Variants in KAT7 observed in about 807,000 individuals in gnomAD.
KAT7 encodes the protein lysine acetyltransferase 7.
In KAT7, 10 loss-of-function variants were observed where a neutral mutation model predicts 82.1. The observed-to-expected ratio is 0.12, with a 90% CI of 0.08 to 0.21. The LOEUF (loss-of-function observed/expected upper bound fraction) is 0.21. Ranked by LOEUF, KAT7 falls within the 10% of genes least tolerant of loss-of-function variation. The probability of loss-of-function intolerance (pLI) is 1.00; values close to 1 mark genes in which losing one functional copy is unlikely to be tolerated. For synonymous variants in KAT7, 250 were observed against 262.5 expected (o/e 0.95, Z 0.46); for missense variants, 378 against 760.9 (o/e 0.50, Z 5.92).
chr17:49,805,498 C>A, intron 5 of KAT7, 53 bp downstream of exon 5: 1 of 1,360,744 alleles, frequency 7.3e-7, no homozygotes. Context: ...TTACCGTTTG[C>A]CAGGCACTTT....
chr17:49,831,894 C>T lies in KAT7; in HGVS notation c.*4392C>T, dbSNP rs1236260302. The T allele has an allele frequency of 6.6e-6, 1 of 151,620 alleles. No homozygotes were observed. Among genetic ancestry groups the T allele is most frequent in the African/African-American group, 2.4e-5 (1 of 41,212 alleles). The allele number at this position is 151,620 out of a possible 1,614,324, so 9.4% of individuals were successfully genotyped here. A position where few individuals can be genotyped will look rare whatever the true frequency, so the allele number is the denominator to read the frequency against. On this transcript the variant is annotated 3_prime_UTR_variant, in exon 15 of 15. Coordinates refer to ENST00000259021, the MANE Select transcript of KAT7 (RefSeq NM_007067.5). ...CAGGATGATCTCGATCTCCTGACCT[C>T]GTGATCCACTCGCCTCAGCCTCCCA...
intron 4 of KAT7, among the ~76,000 whole-genome samples, chr17:49,802,686 C>T (rs934388923): frequency 2.7e-5 from 4 of 150,852 alleles, no homozygotes; most frequent in Non-Finnish European, 4.4e-5. Flanking sequence ...AAAAAAAAGA[C>T]GTATGGATAC....
chr17:49,826,215 C>G (rs1218007031), intron 13 of KAT7, 69 bp downstream of exon 13: 4 of 1,478,988 alleles, frequency 2.7e-6, no homozygotes, highest in Admixed American at 3.5e-5. Flanking sequence ...TATTGTGTTT[C>G]CCCTGAATGT....
chr17:49,792,905 T>C (rs1343864195), intron 2 of KAT7, among the ~76,000 whole-genome samples: 1 of 152,040 alleles, frequency 6.6e-6, no homozygotes, highest in Non-Finnish European at 1.5e-5. Flanking sequence ...TTGACCTCCT[T>C]GGCTCAAGTG....
chr17:49,790,607 T>G (rs961124681), intron 1 of KAT7, among the ~76,000 whole-genome samples: 9 of 152,258 alleles, frequency 5.9e-5, no homozygotes, highest in African/African-American at 2.2e-4. Flanking sequence ...CTTGAAAATG[T>G]ACATTTTTTT....
chr17:49,797,012 G>C (rs528566887), intron 3 of KAT7, 86 bp downstream of exon 3: 1 of 1,037,320 alleles, frequency 9.6e-7, no homozygotes. Flanking sequence ...ACTGCAGGTA[G>C]ATGCCTAATA....
chr17:49,812,815 G>A (rs1417402287), intron 7 of KAT7, among the ~76,000 whole-genome samples: 1 of 151,914 alleles, frequency 6.6e-6, no homozygotes, highest in African/African-American at 2.4e-5. Flanking sequence ...GCAGTTCTCT[G>A]CCTCAGCCTC....
intron 4 of KAT7, among the ~76,000 whole-genome samples, chr17:49,804,251 C>T (rs1273941328): frequency 6.6e-5 from 10 of 151,938 alleles, no homozygotes; most frequent in African/African-American, 2.2e-4. Context: ...TGGCGGCAGG[C>T]GCCTGTAGTC....
rs1451743556 is a variant in KAT7 at position 49,833,807 on chromosome 17, T to G, written c.*6305T>G. 1 of 152,180 alleles carries G rather than the reference T, an allele frequency of 6.6e-6. No homozygotes were observed. Among genetic ancestry groups the G allele is most frequent in the African/African-American group, 2.4e-5 (1 of 41,430 alleles). 9.4% of individuals were successfully genotyped at this position (152,180 alleles called of 1,614,324 possible). A position where few individuals can be genotyped will look rare whatever the true frequency, so the allele number is the denominator to read the frequency against. On this transcript the variant is annotated 3_prime_UTR_variant, in exon 15 of 15. Coordinates refer to ENST00000259021, the MANE Select transcript of KAT7 (RefSeq NM_007067.5). ...CTGTTAACCCAGAGAATTATGAGAA[T>G]ACTGTTTTAACCACACGTTTTGGAA...
intron 2 of KAT7, among the ~76,000 whole-genome samples, chr17:49,794,142 C>A (rs886164781): frequency 3.3e-5 from 5 of 152,114 alleles, no homozygotes; most frequent in African/African-American, 1.2e-4. Context: ...CCTCAAAGAT[C>A]TTACAGTTCA....
Position 49,827,431 on chromosome 17 carries a change from G to T in KAT7, c.1765G>T (p.Ala589Ser), listed in dbSNP as rs1290786510. Residue 589 changes from alanine to serine, a missense_variant, in exon 15 of 15, where the codon GCC becomes TCC. By Grantham distance (99) the Ala-to-Ser change is moderately conservative. Around this residue, in one of 6 missense-constraint regions of KAT7, gnomAD observed 44 missense variants for 102.2 expected, o/e 0.43. Transcript: ENST00000259021. ...GATTGATGAGTGGATAGCCAAAGAG[G>T]CCAAAAGGTCCAACTCCAATAAAAC... ...DLIDEWIAKE[A>S]KRSNSNKTMD... 7.4e-6 allele frequency: 12 copies of T among 1,613,334 alleles called. No individual in the cohort carries two copies. Among genetic ancestry groups the T allele is most frequent in the Non-Finnish European group, 1.0e-5 (12 of 1,179,378 alleles).
At position 49,800,536 on chromosome 17, in the gene KAT7, A is replaced by G. The variant is rs186477869; in HGVS notation, c.580+1978A>G. 1.8e-3 allele frequency among the ~76,000 whole-genome samples: 272 copies of G among 152,292 alleles called. 1 individual carries two copies. The highest frequency in any genetic ancestry group is 6.4e-3 in the African/African-American group (267 of 41,564). ...AAGAGTTTAAGGGGATCTGCTTGCC[A>G]TGCATCAAGAAAAGGAATTTTCCTC... On this transcript the variant is annotated intron_variant, in intron 4 of 14. Coordinates refer to ENST00000259021, the MANE Select transcript of KAT7 (RefSeq NM_007067.5).
At chr17:49,810,079 G>T (rs1333797798) in intron 6 of KAT7, among the ~76,000 whole-genome samples, 1 of 152,062 alleles carries the variant, frequency 6.6e-6, no homozygotes, top group South Asian at 2.1e-4. Flanking sequence ...ATGTTGTCCC[G>T]GGCAGGTCAA....
intron 4 of KAT7, among the ~76,000 whole-genome samples, chr17:49,799,305 A>G (rs1187014081): frequency 6.6e-6 from 1 of 152,206 alleles, no homozygotes; most frequent in Non-Finnish European, 1.5e-5. Context: ...GCATGTGGCT[A>G]TCAAGTTTGA....
At position 49,834,229 on chromosome 17, in the gene KAT7, CG is replaced by C. The variant is rs1222266806; in HGVS notation, c.*6728del. 6.6e-6 allele frequency: 1 copy of C among 152,260 alleles called. No homozygotes were observed. The highest frequency in any genetic ancestry group is 2.4e-5 in the African/African-American group (1 of 41,458). The allele number at this position is 152,260 out of a possible 1,614,324, so 9.4% of individuals were successfully genotyped here. A position where few individuals can be genotyped will look rare whatever the true frequency, so the allele number is the denominator to read the frequency against. ...GTGGTACGATCACGGCTCACTGCTG[CG>C]TCGCCTTCCCAGGCTCCAGCTATCC... On this transcript the variant is annotated 3_prime_UTR_variant, in exon 15 of 15. Coordinates refer to ENST00000259021, the MANE Select transcript of KAT7 (RefSeq NM_007067.5).
intron 12 of KAT7, chr17:49,823,514 G>T: frequency 2.1e-6 from 1 of 467,444 alleles, no homozygotes; most frequent in Non-Finnish European, 3.8e-6. Flanking sequence ...TGAGTAGGAG[G>T]TACAGAGGAT....
chr17:49,800,355 G>A (rs1024916188), intron 4 of KAT7, among the ~76,000 whole-genome samples: 1 of 152,066 alleles, frequency 6.6e-6, no homozygotes, highest in East Asian at 1.9e-4. Flanking sequence ...TCAAACCATC[G>A]GAATAAATAC....
At chr17:49,813,815 T>G (rs970854765) in intron 7 of KAT7, among the ~76,000 whole-genome samples, 5 of 152,100 alleles carry the variant, frequency 3.3e-5, no homozygotes, top group African/African-American at 1.2e-4. Flanking sequence ...GCAGGGAGGT[T>G]GTGGGGGCGT....
chr17:49,795,548 T>C (rs1036446169), intron 2 of KAT7: 11 of 242,506 alleles, frequency 4.5e-5, no homozygotes, highest in African/African-American at 2.5e-4. Flanking sequence ...GTCAGCACTG[T>C]GGTGAGCTCC....
Sources: gnomAD v4.1 joint callset for allele counts (sites outside exome capture counted in the v4.1 genomes callset) on GRCh38, gnomAD v4.1.1 for gene constraint, gnomAD v4.1.1 regional missense constraint, MANE v1.5 for transcripts, NCBI Gene and HGNC (gene_info 2026-07-23, HGNC 2026-07-21) for gene names.